Variants in TMEM132D observed in about 807,000 individuals in gnomAD.
TMEM132D encodes the protein mature OL transmembrane protein.
Under a neutral mutation model 62.3 loss-of-function variants are expected in TMEM132D, and 21 were observed. That is an observed-to-expected ratio of 0.34 (90% CI 0.24 to 0.49). The LOEUF (loss-of-function observed/expected upper bound fraction) is 0.49, where lower values mean the gene tolerates loss of function less well. Among genes scored for constraint, TMEM132D ranks in the 20% least tolerant of loss-of-function variants. The pLI is 0.99. For synonymous variants in TMEM132D, 621 were observed against 575.6 expected (o/e 1.08, Z -1.13); for missense variants, 1,346 against 1,402.8 (o/e 0.96, Z 0.65).
chr12:129,234,395 T>C (rs1408403403), intron 4 of TMEM132D, among the ~76,000 whole-genome samples: 1 of 152,226 alleles, frequency 6.6e-6, no homozygotes, highest in Non-Finnish European at 1.5e-5. Flanking sequence ...GTAGGCTCCG[T>C]AGCAACTGCT....
At chr12:129,321,440 A>G (rs1868702003) in intron 4 of TMEM132D, among the ~76,000 whole-genome samples, 1 of 152,212 alleles carries the variant, frequency 6.6e-6, no homozygotes, top group African/African-American at 2.4e-5. Context: ...CTCGTTATTC[A>G]GAAAGCTTCT....
At chr12:129,681,332 G>A (rs1325308664) in intron 2 of TMEM132D, 1 of 152,238 alleles carries the variant, frequency 6.6e-6, no homozygotes, top group African/African-American at 2.4e-5. Context: ...TATATGGGCA[G>A]GGCTCAGTTG....
chr12:129,274,857 A>C (rs537824358), intron 4 of TMEM132D, among the ~76,000 whole-genome samples: 1 of 152,402 alleles, frequency 6.6e-6, no homozygotes, highest in East Asian at 1.9e-4. Context: ...ACTGCACTCC[A>C]GCCTGGGCGA....
intron 3 of TMEM132D, among the ~76,000 whole-genome samples, chr12:129,409,281 A>G (rs1318972879): frequency 1.3e-5 from 2 of 152,158 alleles, no homozygotes; most frequent in African/African-American, 4.8e-5. Context: ...GTCTGTCTGT[A>G]TTCCAGCCTA....
chr12:129,126,578 G>C lies in TMEM132D; in HGVS notation c.1444-41876C>G, dbSNP rs751613537. Among the ~76,000 whole-genome samples the C allele has an allele frequency of 2.6e-5, 4 of 152,106 alleles. No homozygotes were observed. In the South Asian group the frequency reaches 8.3e-4, roughly 32 times the overall value. On this transcript the variant is annotated intron_variant, in intron 5 of 8. Coordinates refer to ENST00000422113, the MANE Select transcript of TMEM132D (RefSeq NM_133448.3). ...TTGGAGGGATCTGGCTAATTGAAGA[G>C]CAAAAATATGCCTGTGCCATCAGGG...
At chr12:129,436,633 G>T (rs920812122) in intron 3 of TMEM132D, among the ~76,000 whole-genome samples, 2 of 152,174 alleles carry the variant, frequency 1.3e-5, no homozygotes, top group Non-Finnish European at 2.9e-5. Context: ...TTTTGCAGAT[G>T]AAGGGAATGA....
intron 2 of TMEM132D, among the ~76,000 whole-genome samples, chr12:129,543,798 T>C (rs1181249020): frequency 6.6e-6 from 1 of 152,216 alleles, no homozygotes; most frequent in Non-Finnish European, 1.5e-5. Context: ...TGTATCGATG[T>C]AAAGCATTTA....
intron 5 of TMEM132D, among the ~76,000 whole-genome samples, chr12:129,105,428 G>C (rs1875462781): frequency 7.2e-6 from 1 of 138,856 alleles, no homozygotes; most frequent in Non-Finnish European, 1.5e-5. Flanking sequence ...AGCATTGGGA[G>C]ATATACCTAA....
intron 4 of TMEM132D, among the ~76,000 whole-genome samples, chr12:129,305,865 A>G (rs1881835934): frequency 6.6e-6 from 1 of 152,332 alleles, no homozygotes; most frequent in East Asian, 1.9e-4. Context: ...TAGTATAAAT[A>G]AATATTAATT....
At chr12:129,600,454 T>C (rs1160566325) in intron 2 of TMEM132D, among the ~76,000 whole-genome samples, 2 of 152,220 alleles carry the variant, frequency 1.3e-5, no homozygotes, top group African/African-American at 4.8e-5. Context: ...TGGGCTCCTC[T>C]CGTGAATTGC....
rs189593644 is a variant in TMEM132D at position 129,893,376 on chromosome 12, T to C, written c.79+9885A>G. Among the ~76,000 whole-genome samples, 817 of 152,238 alleles carry C rather than the reference T, an allele frequency of 5.4e-3. 5 individuals are homozygous for C. The highest frequency in any genetic ancestry group is 8.3e-3 in the Non-Finnish European group (565 of 68,018). Reference sequence around the variant, plus strand: ...TAAAAATCAGGATTATGATTTCTTTTGAGTAAGAAGCTCTCCCACCCTCCC... The same window carrying C: ...TAAAAATCAGGATTATGATTTCTTTCGAGTAAGAAGCTCTCCCACCCTCCC... On this transcript the variant is annotated intron_variant, in intron 1 of 8. Coordinates refer to ENST00000422113, the MANE Select transcript of TMEM132D (RefSeq NM_133448.3).
intron 5 of TMEM132D, 103 bp downstream of exon 5, chr12:129,209,417 G>T: frequency 7.0e-7 from 1 of 1,434,186 alleles, no homozygotes; most frequent in South Asian, 1.3e-5. Flanking sequence ...GGATCCTGTG[G>T]GACCCAGAGG....
At chr12:129,608,890 C>T (rs1019670330) in intron 2 of TMEM132D, among the ~76,000 whole-genome samples, 1 of 152,068 alleles carries the variant, frequency 6.6e-6, no homozygotes, top group African/African-American at 2.4e-5. Context: ...TAGGCCCCAC[C>T]CCAAATTTTC....
rs542047164 is a variant in TMEM132D at position 129,344,869 on chromosome 12, G to A, written c.1116-7052C>T. On this transcript the variant is annotated intron_variant, in intron 3 of 8. Coordinates refer to ENST00000422113, the MANE Select transcript of TMEM132D (RefSeq NM_133448.3). Reference sequence around the variant, plus strand: ...GGGAGCAAAAAGCATTGATGGCTCCGTCTCTAAAATTGCTGATTGAGATTT... The same window carrying A: ...GGGAGCAAAAAGCATTGATGGCTCCATCTCTAAAATTGCTGATTGAGATTT... Among the ~76,000 whole-genome samples the A allele has an allele frequency of 3.3e-5, 5 of 152,040 alleles. No homozygotes were observed. The South Asian group carries it at 6.2e-4, about 19-fold the overall frequency.
intron 4 of TMEM132D, among the ~76,000 whole-genome samples, chr12:129,261,053 G>A (rs1035131043): frequency 6.6e-6 from 1 of 152,164 alleles, no homozygotes; most frequent in African/African-American, 2.4e-5. Context: ...GGATCAAATG[G>A]TAGGTCTACT....
intron 1 of TMEM132D, among the ~76,000 whole-genome samples, chr12:129,878,073 C>T (rs1158956993): frequency 2.6e-5 from 4 of 152,122 alleles, no homozygotes; most frequent in African/African-American, 9.7e-5. Flanking sequence ...TCACTGTTTG[C>T]TTCAGGAAAT....
chr12:129,355,659 G>T (rs1435905503), intron 3 of TMEM132D, among the ~76,000 whole-genome samples: 1 of 152,148 alleles, frequency 6.6e-6, no homozygotes, highest in Non-Finnish European at 1.5e-5. Context: ...AAATTATGGT[G>T]GATAGTGTCA....
At chr12:129,381,864 A>G (rs1256242000) in intron 3 of TMEM132D, among the ~76,000 whole-genome samples, 1 of 152,094 alleles carries the variant, frequency 6.6e-6, no homozygotes, top group Non-Finnish European at 1.5e-5. Flanking sequence ...TCCACTCACT[A>G]CCTGCTGCCC....
chr12:129,835,137 A>G (rs1872965250), intron 1 of TMEM132D, among the ~76,000 whole-genome samples: 1 of 152,184 alleles, frequency 6.6e-6, no homozygotes, highest in African/African-American at 2.4e-5. Context: ...ATCGGCACCC[A>G]TGGGAGATGA....
Sources: allele counts gnomAD v4.1 joint callset (sites outside exome capture counted in the v4.1 genomes callset), GRCh38; gene constraint gnomAD v4.1.1; transcripts MANE v1.5; gene names NCBI Gene and HGNC (gene_info 2026-07-23, HGNC 2026-07-21).